Variants in NBPF12 observed in about 807,000 individuals in gnomAD.
The protein encoded by NBPF12 is NBPF family member NBPF12.
NBPF12 carries 115 observed loss-of-function variants against 146.4 expected under a neutral mutation model. The observed-to-expected ratio is 0.79, with a 90% CI of 0.68 to 0.92. NBPF12 has a LOEUF of 0.92. Among genes scored for constraint, NBPF12 ranks in the 40% least tolerant of loss-of-function variants. NBPF12 has a pLI of 0.00. For synonymous variants in NBPF12, 385 were observed against 508.9 expected, an observed-to-expected ratio of 0.76 and a Z score of 3.28; for missense variants, 1,205 against 1,326.8, an observed-to-expected ratio of 0.91 and a Z score of 1.43.
exon 2 of NBPF12, chr1:146,943,317 AC>A (rs1654887287): frequency 7.8e-6 from 2 of 256,388 alleles, no homozygotes; most frequent in Non-Finnish European, 1.5e-5. Context: ...TCCTGTTTAG[AC>A]CCAGGCAAAG....
chr1:146,948,645 T>G (rs1419248723), upstream of NBPF12, among the ~76,000 whole-genome samples: 5 of 152,098 alleles, frequency 3.3e-5, no homozygotes, highest in East Asian at 9.6e-4. Context: ...AGCCAGGTAT[T>G]GTCCAAGGTT....
At chr1:146,970,407 T>C (rs1450429234) in intron 11 of NBPF12, among the ~76,000 whole-genome samples, 2 of 150,960 alleles carry the variant, frequency 1.3e-5, no homozygotes, top group East Asian at 2.0e-4. Context: ...TCCAGTGATA[T>C]GGGAAGCAAA....
upstream of NBPF12, chr1:146,949,176 C>T (rs1655216775): frequency 6.5e-6 from 1 of 153,166 alleles, no homozygotes; most frequent in East Asian, 1.9e-4. Context: ...ATGCGTTCAG[C>T]ATACGGTCCC....
chr1:146,963,177 C>T (rs1192948989), exon 6 of NBPF12: 154 of 1,603,570 alleles, frequency 9.6e-5, no homozygotes, highest in Admixed American at 3.0e-4. Context: ...AGATGCCTCC[C>T]GCTCATTGAA....
upstream of NBPF12, among the ~76,000 whole-genome samples, chr1:146,945,816 T>C: frequency 6.6e-6 from 1 of 152,158 alleles, no homozygotes; most frequent in Admixed American, 6.5e-5. Context: ...AAGTCCATAG[T>C]TTACGTTAGA....
intron 31 of NBPF12, among the ~76,000 whole-genome samples, chr1:146,992,397 C>T (rs1409320924): frequency 7.1e-6 from 1 of 140,620 alleles, no homozygotes; most frequent in Admixed American, 7.3e-5. Context: ...CTGTTACTCC[C>T]TCATCAGTGT....
At chr1:146,962,921 G>A (rs1442999098) in intron 5 of NBPF12, among the ~76,000 whole-genome samples, 174 bp from the exon 9 acceptor site, 1 of 151,186 alleles carries the variant, frequency 6.6e-6, no homozygotes, top group Non-Finnish European at 1.5e-5. Flanking sequence ...TAGAGGGAAA[G>A]CCTGTAGACC....
At chr1:146,969,709 GT>G (rs1656453935) in intron 11 of NBPF12, 113 bp downstream of exon 14, 1 of 1,532,490 alleles carries the variant, frequency 6.5e-7, no homozygotes, top group African/African-American at 1.4e-5. Flanking sequence ...TACTACACAT[GT>G]GTGGCCATGA....
chr1:146,951,345 T>C lies in NBPF12; in HGVS notation c.-325-3T>C, dbSNP rs1383158282. The C allele has an allele frequency of 1.6e-6, 1 of 629,408 alleles. No individual in the cohort carries two copies. Among genetic ancestry groups the C allele is most frequent in the Non-Finnish European group, 2.8e-6 (1 of 359,054 alleles). The allele number at this position is 629,408 out of a possible 1,614,324, so 39.0% of individuals were successfully genotyped here. A position where few individuals can be genotyped will look rare whatever the true frequency, so the allele number is the denominator to read the frequency against. On this transcript the variant is annotated splice_polypyrimidine_tract_variant and splice_region_variant and intron_variant, in intron 1 of 33. Transcript: ENST00000617844. Reference sequence around the variant, plus strand: ...AAATAAATTATTTGTTTCTTCTTGGTAGCCCTTGAAGATAAGGATGGTCAA... The same window carrying C: ...AAATAAATTATTTGTTTCTTCTTGGCAGCCCTTGAAGATAAGGATGGTCAA...
chr1:146,939,164 G>A (rs1217609126), intron 1 of NBPF12, among the ~76,000 whole-genome samples, 152 bp downstream of exon 1: 5 of 151,972 alleles, frequency 3.3e-5, no homozygotes, highest in South Asian at 2.1e-4. Flanking sequence ...TTGATTCCTC[G>A]CCTGCCGCTG....
At chr1:146,952,417 T>C (rs1655365015) in intron 2 of NBPF12, among the ~76,000 whole-genome samples, 1 of 152,116 alleles carries the variant, frequency 6.6e-6, no homozygotes, top group African/African-American at 2.4e-5. Flanking sequence ...TGAGCGAGGC[T>C]GTACCAGCCC....
chr1:146,992,463 T>A (rs1183624396), intron 31 of NBPF12, among the ~76,000 whole-genome samples: 337 of 35,478 alleles, frequency 9.5e-3, no homozygotes, highest in Middle Eastern at 0.017. Context: ...TCTCTCTCTC[T>A]GTGTGTGTGT....
At position 146,965,599 on chromosome 1, in the gene NBPF12, G is replaced by A. The variant is rs1322067618; in HGVS notation, c.778+495G>A. ...AGATTGAGACCATCCTGGCTAACACGGTGAAACCCCGTCTTTACTAAAAAT... is the reference window on the plus strand; with the variant it reads ...AGATTGAGACCATCCTGGCTAACACAGTGAAACCCCGTCTTTACTAAAAAT... On this transcript the variant is annotated intron_variant, in intron 8 of 33. Transcript: ENST00000617844. 3.8e-4 allele frequency among the ~76,000 whole-genome samples: 56 copies of A among 146,840 alleles called. 1 individual carries two copies. Among genetic ancestry groups the A allele is most frequent in the Non-Finnish European group, 7.1e-4 (48 of 67,194 alleles).
At chr1:146,964,587 T>G (rs1656071223) in intron 7 of NBPF12, among the ~76,000 whole-genome samples, 158 bp downstream of exon 10, 1 of 151,848 alleles carries the variant, frequency 6.6e-6, no homozygotes, top group Non-Finnish European at 1.5e-5. Flanking sequence ...GCGACAGCTG[T>G]CATGTTTCTC....
intron 12 of NBPF12, 55 bp from the exon 16 acceptor site, chr1:146,971,128 G>A: frequency 1.2e-6 from 2 of 1,608,720 alleles, no homozygotes; most frequent in South Asian, 1.1e-5. Flanking sequence ...ACTCCTTGGG[G>A]TCCAATCCCT....
intron 17 of NBPF12, 144 bp downstream of exon 20, chr1:146,977,145 A>T: frequency 1.1e-6 from 1 of 913,196 alleles, no homozygotes; most frequent in South Asian, 1.3e-5. Flanking sequence ...GCTTAGACAC[A>T]GGGTGCGGCA....
intron 12 of NBPF12, 57 bp downstream of exon 15, chr1:146,970,776 A>T (rs1656552627): frequency 8.0e-7 from 1 of 1,254,952 alleles, no homozygotes; most frequent in South Asian, 1.2e-5. Context: ...AATGTCTAGG[A>T]GGCATGCCCT....
chr1:146,955,957 C>T (rs1424865574), intron 2 of NBPF12, among the ~76,000 whole-genome samples: 1,873 of 150,886 alleles, frequency 0.012, 49 homozygotes, highest in African/African-American at 0.044. Context: ...TTGTTACATT[C>T]CAGCCTTTGT....
At chr1:146,974,884 A>G in intron 15 of NBPF12, 43 bp downstream of exon 18, 1 of 1,174,356 alleles carries the variant, frequency 8.5e-7, no homozygotes, top group Non-Finnish European at 1.2e-6. Context: ...CAGGTGTGTA[A>G]ATCTCTGAAG....
Sources: allele counts gnomAD v4.1 joint callset (sites outside exome capture counted in the v4.1 genomes callset), GRCh38; gene constraint gnomAD v4.1.1; transcripts MANE v1.5; gene names NCBI Gene and HGNC (gene_info 2026-07-23, HGNC 2026-07-21).